Variants in NMNAT3 observed in about 807,000 individuals in gnomAD.
NMNAT3 encodes nicotinamide/nicotinic acid mononucleotide adenylyltransferase 3.
Under a neutral mutation model 24.8 loss-of-function variants are expected in NMNAT3, and 21 were observed. That is an observed-to-expected ratio of 0.85 (90% CI 0.60 to 1.22). The LOEUF (loss-of-function observed/expected upper bound fraction) is 1.22. Ranked by LOEUF, NMNAT3 falls within the 50% of genes most tolerant of loss-of-function variation. The pLI is 0.00. For missense variants in NMNAT3, 387 were observed against 436.6 expected (o/e 0.89, Z 1.01); for synonymous variants, 136 against 155.2 (o/e 0.88, Z 0.92).
intron 6 of NMNAT3, chr3:139,566,678 G>T (rs1207207217): frequency 1.5e-4 from 23 of 152,010 alleles, no homozygotes; most frequent in Non-Finnish European, 2.9e-4. Context: ...GTTGTAGATA[G>T]GTGGCATTAT....
chr3:139,643,941 C>T (rs575473246), intron 1 of NMNAT3, among the ~76,000 whole-genome samples: 34 of 152,322 alleles, frequency 2.2e-4, no homozygotes, highest in Non-Finnish European at 4.3e-4. Flanking sequence ...GGCTTCAATG[C>T]CATTGCATTG....
intron 1 of NMNAT3, among the ~76,000 whole-genome samples, chr3:139,653,781 C>A (rs956687835): frequency 7.2e-5 from 11 of 152,208 alleles, no homozygotes; most frequent in Non-Finnish European, 1.5e-4. Context: ...ACTTTCTTCC[C>A]CTACTTCCAT....
At chr3:139,604,667 T>A (rs1244287948) in intron 3 of NMNAT3, among the ~76,000 whole-genome samples, 2 of 152,216 alleles carry the variant, frequency 1.3e-5, no homozygotes, top group Non-Finnish European at 2.9e-5. Flanking sequence ...TAACCAACAC[T>A]CTACATTTTA....
At chr3:139,637,602 C>T (rs2056549059) in intron 2 of NMNAT3, 1 of 152,234 alleles carries the variant, frequency 6.6e-6, no homozygotes, top group South Asian at 2.1e-4. Flanking sequence ...GTCTCCCACC[C>T]ACCTTCTCTA....
At chr3:139,609,253 T>TG (rs149041966) in intron 3 of NMNAT3, among the ~76,000 whole-genome samples, 1 of 152,346 alleles carries the variant, frequency 6.6e-6, no homozygotes, top group Non-Finnish European at 1.5e-5. Context: ...TAAATGCCTG[T>TG]GAGTGCAACT....
chr3:139,592,758 C>T (rs1331467240), intron 3 of NMNAT3, among the ~76,000 whole-genome samples: 1 of 152,114 alleles, frequency 6.6e-6, no homozygotes, highest in East Asian at 1.9e-4. Flanking sequence ...CCTTTACAGA[C>T]AAGCAAATGC....
At chr3:139,663,663 C>T (rs2057489319) in intron 1 of NMNAT3, among the ~76,000 whole-genome samples, 1 of 152,146 alleles carries the variant, frequency 6.6e-6, no homozygotes, top group Admixed American at 6.5e-5. Flanking sequence ...CTCTAAGAGT[C>T]CCTCCAGCAG....
chr3:139,612,492 T>C (rs2055272383), intron 3 of NMNAT3, among the ~76,000 whole-genome samples: 1 of 152,170 alleles, frequency 6.6e-6, no homozygotes, highest in Admixed American at 6.5e-5. Context: ...AGTTGTATTC[T>C]CCCTGTATTC....
At chr3:139,583,422 A>T (rs1157702520) in intron 3 of NMNAT3, 1 of 1,591,432 alleles carries the variant, frequency 6.3e-7, no homozygotes, top group Non-Finnish European at 8.6e-7. Flanking sequence ...CATTTGAGAC[A>T]TTTTGATCTC....
At chr3:139,643,522 C>G (rs2056775502) in intron 1 of NMNAT3, among the ~76,000 whole-genome samples, 1 of 152,112 alleles carries the variant, frequency 6.6e-6, no homozygotes, top group Non-Finnish European at 1.5e-5. Context: ...ATATACGTTG[C>G]ATGTATATAA....
In NMNAT3 at chr3:139,578,885, C is replaced by T. The variant is rs949178835; in HGVS notation, c.562G>A (p.Val188Met). The change falls in exon 5 of 7, where the codon GTG (valine) becomes ATG (methionine). Residue 188 changes from valine to methionine, a missense_variant. Val to Met is a conservative substitution (Grantham distance 21, BLOSUM62 1). This residue lies in a region of NMNAT3 where 323 missense variants were observed against 345.2 expected (regional missense o/e 0.94). Transcript: ENST00000643695. ...GACTACCATTACCTCAGCACCTTCA[C>T]TGTCTCCATCCACTGTGCCTGCTCA... is the stretch of plus-strand genomic sequence containing the variant. 2 of 1,613,828 alleles carry T rather than the reference C, an allele frequency of 1.2e-6. No homozygotes were observed. Among genetic ancestry groups the T allele is most frequent in the Non-Finnish European group, 1.7e-6 (2 of 1,179,878 alleles).
chr3:139,592,507 C>T (rs1303426807), intron 3 of NMNAT3, among the ~76,000 whole-genome samples: 1 of 152,116 alleles, frequency 6.6e-6, no homozygotes, highest in Non-Finnish European at 1.5e-5. Flanking sequence ...AACTCCAAGA[C>T]ACATAATTGT....
Position 139,627,748 on chromosome 3 carries a change from T to C in NMNAT3, c.-24A>G, listed in dbSNP as rs764104399. Reference sequence around the variant, plus strand: ...ATCTTGTCAGGCACATCCACACCTGTTGCAGTGGCCACCCTGCTTTTATGG... The same window carrying C: ...ATCTTGTCAGGCACATCCACACCTGCTGCAGTGGCCACCCTGCTTTTATGG... On this transcript the variant is annotated 5_prime_UTR_variant, in exon 3 of 7. Coordinates refer to ENST00000643695, the MANE Select transcript of NMNAT3 (RefSeq NM_001320510.2). The C allele has an allele frequency of 1.5e-5, 22 of 1,445,480 alleles. No individual in the cohort carries two copies. Among genetic ancestry groups the C allele is most frequent in the Non-Finnish European group, 2.1e-5 (22 of 1,057,128 alleles). 89.5% of individuals were successfully genotyped at this position (1,445,480 alleles called of 1,614,324 possible). A position where few individuals can be genotyped will look rare whatever the true frequency, so the allele number is the denominator to read the frequency against.
intron 5 of NMNAT3, among the ~76,000 whole-genome samples, chr3:139,576,783 G>A (rs1460617545): frequency 2.6e-5 from 4 of 152,152 alleles, no homozygotes; most frequent in Non-Finnish European, 5.9e-5. Flanking sequence ...GAGGCCTGGT[G>A]TGGTGACTCA....
intron 1 of NMNAT3, among the ~76,000 whole-genome samples, chr3:139,658,503 A>G (rs1430264032): frequency 1.3e-5 from 2 of 152,236 alleles, no homozygotes; most frequent in Non-Finnish European, 2.9e-5. Flanking sequence ...GAATGTATGC[A>G]ATTTCTTCCC....
At chr3:139,604,744 T>C (rs1237157056) in intron 3 of NMNAT3, among the ~76,000 whole-genome samples, 2 of 152,214 alleles carry the variant, frequency 1.3e-5, no homozygotes, top group Non-Finnish European at 2.9e-5. Flanking sequence ...AAATATATCA[T>C]CTTGCATGAA....
In NMNAT3 at chr3:139,581,607, C is replaced by T. The variant is rs191351444; in HGVS notation, c.391+1320G>A. Among the ~76,000 whole-genome samples, 28 of 152,164 alleles carry T rather than the reference C, an allele frequency of 1.8e-4. No homozygotes were observed. In the East Asian group the frequency reaches 4.8e-3, roughly 26 times the overall value. ...CCAAACCAAAAAAAGGAAAAGAGTA[C>T]ATACTATATGATTCAATTTATATAA... On this transcript the variant is annotated intron_variant, in intron 4 of 6. Coordinates refer to ENST00000643695, the MANE Select transcript of NMNAT3 (RefSeq NM_001320510.2).
intron 3 of NMNAT3, among the ~76,000 whole-genome samples, chr3:139,591,413 G>A (rs971637755): frequency 6.6e-6 from 1 of 152,018 alleles, no homozygotes; most frequent in Non-Finnish European, 1.5e-5. Context: ...CCATTGCCCA[G>A]GCTTGCTTAG....
chr3:139,612,965 C>A (rs1559909783), intron 3 of NMNAT3, among the ~76,000 whole-genome samples: 1 of 152,146 alleles, frequency 6.6e-6, no homozygotes, highest in South Asian at 2.1e-4. Context: ...CTTCCTTACA[C>A]CTTATACAAA....
Sources: gnomAD v4.1 joint callset for allele counts (sites outside exome capture counted in the v4.1 genomes callset) on GRCh38, gnomAD v4.1.1 for gene constraint, gnomAD v4.1.1 regional missense constraint, MANE v1.5 for transcripts, NCBI Gene and HGNC (gene_info 2026-07-23, HGNC 2026-07-21) for gene names.